The following CHRNA5 variants were observed in gnomAD, a reference collection of about 807,000 sequenced individuals.
CHRNA5 encodes cholinergic receptor nicotinic alpha 5 subunit.
Under a neutral mutation model 41.2 loss-of-function variants are expected in CHRNA5, and 28 were observed. The ratio of observed to expected loss-of-function variants is 0.68; its 90% CI spans 0.50 to 0.93. CHRNA5 has a LOEUF of 0.93. CHRNA5 is among the 40% of genes least tolerant of loss of function. The probability of loss-of-function intolerance (pLI) is 0.00; values close to 1 mark genes in which losing one functional copy is unlikely to be tolerated. For synonymous variants in CHRNA5, 188 were observed against 205.8 expected (o/e 0.91, Z 0.74); for missense variants, 481 against 581.9 (o/e 0.83, Z 1.78).
chr15:78,591,684 C>T (rs1274235850), intron 5 of CHRNA5, among the ~76,000 whole-genome samples: 4 of 151,812 alleles, frequency 2.6e-5, no homozygotes, highest in Non-Finnish European at 4.4e-5. Flanking sequence ...GATTTAATTT[C>T]AATAAGACTT....
intron 1 of CHRNA5, among the ~76,000 whole-genome samples, chr15:78,580,279 C>CAAAAAAAAAAA (rs71148541): frequency 1.6e-5 from 1 of 61,996 alleles, no homozygotes; most frequent in Non-Finnish European, 3.0e-5. Context: ...GACTCCGTCT[C>CAAAAAAAAAAA]AAAAAAAAAA....
At position 78,588,381 on chromosome 15, in the gene CHRNA5, C is replaced by T. The variant is rs892335479; in HGVS notation, c.371C>T (p.Pro124Leu). 1 of 1,586,296 alleles carries T rather than the reference C, an allele frequency of 6.3e-7. No individual in the cohort carries two copies. Among genetic ancestry groups the T allele is most frequent in the African/African-American group, 1.3e-5 (1 of 74,322 alleles). ...GGTGGAATAAAAGTTATACGTGTTC[C>T]TTCAGACTCTGTCTGGACACCAGAC... The change falls in exon 4 of 6, where the codon CCT (proline) becomes CTT (leucine). Residue 124 changes from proline (P) to leucine (L), a missense_variant. Pro to Leu is a moderately conservative substitution (Grantham distance 98). Coordinates refer to ENST00000299565, the Ensembl canonical transcript of CHRNA5. The surrounding 1 kb of genome is among the most constrained non-coding windows in gnomAD (Gnocchi z 4.1).
intron 2 of CHRNA5, among the ~76,000 whole-genome samples, chr15:78,585,177 A>T (rs188719692): frequency 2.5e-4 from 38 of 152,242 alleles, no homozygotes; most frequent in Admixed American, 2.5e-3. Context: ...TGGCCTCCCA[A>T]GTGCTGGGAT....
intron 1 of CHRNA5, among the ~76,000 whole-genome samples, chr15:78,569,827 G>GT (rs905989310): frequency 7.0e-4 from 105 of 149,790 alleles, no homozygotes; most frequent in African/African-American, 2.5e-3. Flanking sequence ...TTTTGTTTTT[G>GT]TTTTTTTTCT....
At chr15:78,587,809 C>T (rs552097924) in intron 3 of CHRNA5, among the ~76,000 whole-genome samples, 7 of 151,986 alleles carry the variant, frequency 4.6e-5, no homozygotes, top group Non-Finnish European at 1.0e-4. Flanking sequence ...TTTCTAACCC[C>T]GAACTCCTGA....
chr15:78,586,933 G>A (rs923008630), intron 3 of CHRNA5, among the ~76,000 whole-genome samples: 1 of 152,126 alleles, frequency 6.6e-6, no homozygotes, highest in Non-Finnish European at 1.5e-5. Flanking sequence ...AAACAGCAGT[G>A]AACAAAACAG....
chr15:78,578,833 T>G (rs977850927), intron 1 of CHRNA5, among the ~76,000 whole-genome samples: 2 of 152,186 alleles, frequency 1.3e-5, no homozygotes, highest in Non-Finnish European at 2.9e-5. Context: ...TAAAAGTGGT[T>G]TTTTCGTAAT....
exon 5 of CHRNA5, chr15:78,590,052 G>T (rs201803037): frequency 6.2e-7 from 1 of 1,614,214 alleles, no homozygotes. Flanking sequence ...ATGGGAGATT[G>T]TGAGTGCAAC....
chr15:78,579,998 G>T (rs953266657), intron 1 of CHRNA5, among the ~76,000 whole-genome samples: 14 of 151,906 alleles, frequency 9.2e-5, no homozygotes, highest in African/African-American at 3.4e-4. Context: ...GATTATGACA[G>T]GCCAGGCACA....
At chr15:78,571,149 T>C (rs2052801340) in intron 1 of CHRNA5, among the ~76,000 whole-genome samples, 1 of 152,224 alleles carries the variant, frequency 6.6e-6, no homozygotes, top group African/African-American at 2.4e-5. Flanking sequence ...TGTTGGTCAG[T>C]GTATCACAAT....
intron 1 of CHRNA5, among the ~76,000 whole-genome samples, chr15:78,569,600 A>AT (rs1247045203): frequency 6.7e-6 from 1 of 149,546 alleles, no homozygotes; most frequent in East Asian, 2.0e-4. Flanking sequence ...CGCCTGGCTA[A>AT]TTTTTTGTAT....
At chr15:78,572,377 A>G (rs1001761753) in intron 1 of CHRNA5, among the ~76,000 whole-genome samples, 1 of 152,240 alleles carries the variant, frequency 6.6e-6, no homozygotes, top group Non-Finnish European at 1.5e-5. Context: ...TGAAAACTTA[A>G]ATAAAGTCTA....
intron 5 of CHRNA5, among the ~76,000 whole-genome samples, chr15:78,592,381 A>G (rs566116473): frequency 3.9e-5 from 6 of 152,300 alleles, no homozygotes; most frequent in South Asian, 2.1e-4. Flanking sequence ...AAATTATCCT[A>G]CACTTTGGAG....
intron 2 of CHRNA5, among the ~76,000 whole-genome samples, chr15:78,583,598 G>A (rs1201497829): frequency 6.6e-6 from 1 of 152,102 alleles, no homozygotes; most frequent in African/African-American, 2.4e-5. Context: ...GGGAGGCCGA[G>A]GCAGGAGAAT....
chr15:78,582,075 C>T (rs1428770384), intron 2 of CHRNA5, among the ~76,000 whole-genome samples: 1 of 152,130 alleles, frequency 6.6e-6, no homozygotes, highest in Non-Finnish European at 1.5e-5. Flanking sequence ...TTTTCAAAGT[C>T]TATTGCTATG....
intron 1 of CHRNA5, among the ~76,000 whole-genome samples, chr15:78,566,258 C>G (rs1217798603): frequency 5.3e-5 from 8 of 152,154 alleles, no homozygotes; most frequent in Admixed American, 3.3e-4. Flanking sequence ...GCCTCTTCCT[C>G]CATCCCTGTC....
intron 1 of CHRNA5, among the ~76,000 whole-genome samples, chr15:78,570,424 A>ATTTTTTTTTTTTTTTTTTTTT (rs71148540): frequency 9.4e-5 from 6 of 64,166 alleles, no homozygotes; most frequent in Admixed American, 2.5e-4. Context: ...AATCCCGGCT[A>ATTTTTTTTTTTTTTTTTTTTT]TTTTTTTTTT....
Position 78,576,449 on chromosome 15 carries a change from G to A in CHRNA5, c.107-4362G>A, listed in dbSNP as rs111555558. 7.9e-5 allele frequency among the ~76,000 whole-genome samples: 12 copies of A among 152,242 alleles called. No homozygotes were observed. The South Asian group carries it at 1.7e-3, about 21-fold the overall frequency. ...GCGTGAGCCACCGCGCCTGGCCCAA[G>A]TCAACTATTTTTAAGACAAGGAAGG... On this transcript the variant is annotated intron_variant, in intron 1 of 5. Coordinates refer to ENST00000299565, the Ensembl canonical transcript of CHRNA5.
chr15:78,587,085 A>G (rs1338292897), intron 3 of CHRNA5, among the ~76,000 whole-genome samples: 1 of 152,228 alleles, frequency 6.6e-6, no homozygotes. Flanking sequence ...TGGAAAGTGA[A>G]GGAGAGGCAA....
Sources: allele counts gnomAD v4.1 joint callset (sites outside exome capture counted in the v4.1 genomes callset), GRCh38; gene constraint gnomAD v4.1.1; non-coding constraint Gnocchi (gnomAD v3.1); transcripts MANE v1.5; gene names NCBI Gene and HGNC (gene_info 2026-07-23, HGNC 2026-07-21).